The following UTRN variants were observed in gnomAD, a reference collection of about 807,000 sequenced individuals.
UTRN encodes dystrophin-related protein 1.
A neutral mutation model predicts 463.9 loss-of-function variants in UTRN; 283 were observed. That is an observed-to-expected ratio of 0.61 (90% CI 0.55 to 0.67). The LOEUF (loss-of-function observed/expected upper bound fraction) is 0.67, where lower values mean the gene tolerates loss of function less well. Among genes scored for constraint, UTRN ranks in the 30% least tolerant of loss-of-function variants. The pLI is 0.00. For missense variants in UTRN, 3,922 were observed against 4,084.3 expected, an observed-to-expected ratio of 0.96 and a Z score of 1.08; for synonymous variants, 1,442 against 1,431.5, an observed-to-expected ratio of 1.01 and a Z score of -0.17.
chr6:144,653,929 T>C (rs904185949), intron 51 of UTRN, among the ~76,000 whole-genome samples: 2 of 152,238 alleles, frequency 1.3e-5, no homozygotes, highest in Admixed American at 6.5e-5. Context: ...ATCAGCCTAC[T>C]GATTTCCATG....
chr6:144,451,347 G>C (rs768049869), intron 17 of UTRN, 23 bp from the exon 18 acceptor site: 3 of 1,596,008 alleles, frequency 1.9e-6, no homozygotes, highest in Admixed American at 1.8e-5. Context: ...ATGACAAATG[G>C]TCACCTCTGA....
intron 2 of UTRN, among the ~76,000 whole-genome samples, chr6:144,378,251 G>T (rs1780627231): frequency 6.6e-6 from 1 of 152,106 alleles, no homozygotes; most frequent in Non-Finnish European, 1.5e-5. Context: ...ACAAGTTAGA[G>T]GTCTAGATTG....
intron 2 of UTRN, among the ~76,000 whole-genome samples, chr6:144,369,690 C>A (rs909360576): frequency 6.6e-6 from 1 of 152,200 alleles, no homozygotes; most frequent in Non-Finnish European, 1.5e-5. Context: ...TTGGTTGTGT[C>A]CCCACACAAA....
At chr6:144,428,735 C>T (rs753710476) in intron 7 of UTRN, 43 bp from the exon 8 acceptor site, 5 of 1,137,418 alleles carry the variant, frequency 4.4e-6, no homozygotes, top group South Asian at 1.6e-5. Context: ...ACTTTGTTTC[C>T]ACATATTTCA....
chr6:144,615,070 T>C (rs1805942263), intron 51 of UTRN, among the ~76,000 whole-genome samples: 1 of 152,178 alleles, frequency 6.6e-6, no homozygotes, highest in African/African-American at 2.4e-5. Context: ...CTAAATTTCA[T>C]GAAACATTGT....
chr6:144,526,133 G>A (rs1796551314), intron 41 of UTRN, among the ~76,000 whole-genome samples: 1 of 152,106 alleles, frequency 6.6e-6, no homozygotes, highest in Non-Finnish European at 1.5e-5. Context: ...TATTCCATGT[G>A]TTCATGAATA....
intron 34 of UTRN, among the ~76,000 whole-genome samples, chr6:144,509,193 C>A (rs1030333478): frequency 6.6e-6 from 1 of 152,062 alleles, no homozygotes; most frequent in East Asian, 1.9e-4. Flanking sequence ...GTCCTAAATT[C>A]TTTCACATTC....
chr6:144,785,681 C>T (rs6905731), intron 61 of UTRN, among the ~76,000 whole-genome samples: 22,654 of 151,936 alleles, frequency 0.15, 1,931 homozygotes, highest in South Asian at 0.25. Context: ...GAGTTGGCAG[C>T]TACTTAACAT....
rs375040910 is a variant in UTRN, at chr6:144,459,031, G to A, written c.2526+20G>A. On this transcript the variant is annotated intron_variant, in intron 20 of 74. Transcript: ENST00000367545. ...TGTCAGGTAAGGAGCCAACGGTCTG[G>A]AAAGTGGAGGAATTCTATGTGCAGT... The A allele has an allele frequency of 2.9e-4, 460 of 1,580,564 alleles. No homozygotes were observed. The highest frequency in any genetic ancestry group is 3.9e-4 in the Non-Finnish European group (450 of 1,165,122).
Position 144,523,077 on chromosome 6 carries a change from C to T in UTRN, c.5795C>T (p.Pro1932Leu), listed in dbSNP as rs1796250799. ...ATTGCAGTCATTCATGAAAAACAGC[C>T]AGATGTCATCCTTGAAGCCTCTGGA... is the stretch of plus-strand genomic sequence containing the variant. ...EQIAVIHEKQ[P>L]DVILEASGPE... The change falls in exon 41 of 75, where the codon CCA becomes CTA. Residue 1932 changes from proline to leucine, a missense_variant. Physicochemically the swap from Pro to Leu is moderately conservative, Grantham distance 98. Transcript: ENST00000367545. 6.2e-7 allele frequency: 1 copy of T among 1,613,092 alleles called. No individual in the cohort carries two copies. Among genetic ancestry groups the T allele is most frequent in the African/African-American group, 1.3e-5 (1 of 74,842 alleles).
intron 51 of UTRN, among the ~76,000 whole-genome samples, chr6:144,625,309 C>T (rs548869851): frequency 1.2e-4 from 19 of 152,260 alleles, no homozygotes; most frequent in African/African-American, 4.6e-4. Context: ...ATTTTAGATA[C>T]CCTTACTGGC....
intron 2 of UTRN, among the ~76,000 whole-genome samples, chr6:144,390,997 AATAACAATT>A: frequency 6.6e-6 from 1 of 152,124 alleles, no homozygotes; most frequent in East Asian, 1.9e-4. Flanking sequence ...TGTTATATTT[AATAACAATT>A]AGTCATTTAG....
At chr6:144,732,237 T>TATATATATATAC (rs1314919610) in intron 54 of UTRN, among the ~76,000 whole-genome samples, 5 of 87,310 alleles carry the variant, frequency 5.7e-5, no homozygotes, top group African/African-American at 1.8e-4. Context: ...TATATATATA[T>TATATATATATAC]ACATATATAT....
intron 51 of UTRN, among the ~76,000 whole-genome samples, chr6:144,673,844 G>A (rs977837682): frequency 1.3e-5 from 2 of 152,076 alleles, no homozygotes; most frequent in African/African-American, 4.8e-5. Context: ...TTTGGTAGTG[G>A]TGAATTCTCT....
Position 144,530,901 on chromosome 6 carries a change from C to T in UTRN, c.5907-151C>T, listed in dbSNP as rs572266929. 8.1e-5 allele frequency: 65 copies of T among 804,020 alleles called. 1 individual carries two copies. Among genetic ancestry groups the T allele is most frequent in the South Asian group, 7.6e-4 (40 of 52,510 alleles). 49.8% of individuals were successfully genotyped at this position (804,020 alleles called of 1,614,324 possible). A position where few individuals can be genotyped will look rare whatever the true frequency, so the allele number is the denominator to read the frequency against. On this transcript the variant is annotated intron_variant, in intron 41 of 74. Coordinates refer to ENST00000367545, the MANE Select transcript of UTRN (RefSeq NM_007124.3). ...AGGAATTATTACCTGTATCCCACTACGAAAATTGGTTTTGTGGAGCAATAG... is the reference window on the plus strand; with the variant it reads ...AGGAATTATTACCTGTATCCCACTATGAAAATTGGTTTTGTGGAGCAATAG...
chr6:144,662,399 T>C (rs1585855849), intron 51 of UTRN, among the ~76,000 whole-genome samples: 2 of 152,226 alleles, frequency 1.3e-5, no homozygotes, highest in African/African-American at 2.4e-5. Flanking sequence ...ACTGCTATAA[T>C]GCAGAAGCCA....
chr6:144,663,542 A>G (rs561459829), intron 51 of UTRN, among the ~76,000 whole-genome samples: 2 of 152,260 alleles, frequency 1.3e-5, no homozygotes, highest in South Asian at 4.1e-4. Flanking sequence ...AGGATAGTGT[A>G]ATGGCCAATT....
intron 51 of UTRN, among the ~76,000 whole-genome samples, chr6:144,585,023 C>T (rs9497009): frequency 0.081 from 12,267 of 151,746 alleles, 1,100 homozygotes; most frequent in East Asian, 0.53. Flanking sequence ...TTTCCTGATC[C>T]GTTTGTGTGT....
At position 144,730,297 on chromosome 6, in the gene UTRN, G is replaced by A. The variant is rs1788378184; in HGVS notation, c.7810-60G>A. 5 of 1,445,010 alleles carry A rather than the reference G, an allele frequency of 3.5e-6. No individual in the cohort carries two copies. The South Asian group carries it at 6.4e-5, about 19-fold the overall frequency. 89.5% of individuals were successfully genotyped at this position (1,445,010 alleles called of 1,614,324 possible). On this transcript the variant is annotated intron_variant, in intron 53 of 74. Coordinates refer to ENST00000367545, the MANE Select transcript of UTRN (RefSeq NM_007124.3). The stretch of plus-strand genomic sequence containing the variant: ...GGTCAGAAGTGGTATAGTTGAAGAT[G>A]TCCCATAATTTGGTGAACACGTGAG...
Sources: gnomAD v4.1 joint callset for allele counts (sites outside exome capture counted in the v4.1 genomes callset) on GRCh38, gnomAD v4.1.1 for gene constraint, MANE v1.5 for transcripts, NCBI Gene and HGNC (gene_info 2026-07-23, HGNC 2026-07-21) for gene names.